CHRM3: variants seen among roughly 807,000 people sequenced by gnomAD.
The protein encoded by CHRM3 is muscarinic acetylcholine receptor M3.
CHRM3 carries 11 observed loss-of-function variants against 41.8 expected under a neutral mutation model. That is an observed-to-expected ratio of 0.26 (90% CI 0.17 to 0.44). CHRM3 has a LOEUF of 0.44. Among genes scored for constraint, CHRM3 ranks in the 20% least tolerant of loss-of-function variants. CHRM3 has a pLI of 1.00. For synonymous variants in CHRM3, 297 were observed against 301.4 expected (o/e 0.99, Z 0.15); for missense variants, 571 against 745.4 (o/e 0.77, Z 2.72).
At chr1:239,725,324 A>G (rs535069636) in intron 5 of CHRM3, among the ~76,000 whole-genome samples, 15 of 152,042 alleles carry the variant, frequency 9.9e-5, no homozygotes, top group African/African-American at 3.6e-4. Flanking sequence ...CCAAAATACT[A>G]TGTTATCAAT....
At chr1:239,773,238 A>G (rs867635464) in intron 5 of CHRM3, among the ~76,000 whole-genome samples, 3 of 152,216 alleles carry the variant, frequency 2.0e-5, no homozygotes, top group African/African-American at 7.2e-5. Context: ...TATTCTCAGC[A>G]TCTTCTAAGT....
intron 5 of CHRM3, among the ~76,000 whole-genome samples, chr1:239,813,916 CAAA>C (rs67147618): frequency 5.3e-4 from 55 of 103,214 alleles, no homozygotes; most frequent in East Asian, 1.5e-3. Context: ...GACTCCGTCT[CAAA>C]AAAAAAAAAA....
intron 4 of CHRM3, among the ~76,000 whole-genome samples, chr1:239,640,126 T>A (rs1230017425): frequency 6.6e-6 from 1 of 151,408 alleles, no homozygotes; most frequent in Non-Finnish European, 1.5e-5. Flanking sequence ...CACTTGATCA[T>A]GGTGGATAAG....
chr1:239,526,811 C>A, intron 2 of CHRM3, among the ~76,000 whole-genome samples: 1 of 152,102 alleles, frequency 6.6e-6, no homozygotes, highest in African/African-American at 2.4e-5. Context: ...TTCATTGCAA[C>A]CTTTTTCCAT....
chr1:239,800,764 C>T (rs1670148983), intron 5 of CHRM3, among the ~76,000 whole-genome samples: 1 of 152,062 alleles, frequency 6.6e-6, no homozygotes. Context: ...TTTCCTACAG[C>T]ATCAAATATG....
chr1:239,438,700 T>A (rs1197959199), intron 1 of CHRM3, among the ~76,000 whole-genome samples: 1 of 152,200 alleles, frequency 6.6e-6, no homozygotes, highest in Non-Finnish European at 1.5e-5. Context: ...CAGGAGCTAA[T>A]GCTTACCTTT....
intron 2 of CHRM3, among the ~76,000 whole-genome samples, chr1:239,495,672 A>G (rs984148623): frequency 6.6e-6 from 1 of 152,178 alleles, no homozygotes; most frequent in African/African-American, 2.4e-5. Flanking sequence ...TACTTAAAAC[A>G]GTCAGCTTGG....
intron 3 of CHRM3, among the ~76,000 whole-genome samples, chr1:239,624,617 GT>G (rs1205583570): frequency 1.3e-5 from 2 of 151,518 alleles, no homozygotes; most frequent in East Asian, 3.9e-4. Flanking sequence ...TTCTTCTAGG[GT>G]ATTTATGGTT....
chr1:239,656,482 A>AG (rs1491399392), intron 4 of CHRM3, among the ~76,000 whole-genome samples: 1 of 151,680 alleles, frequency 6.6e-6, no homozygotes, highest in African/African-American at 2.4e-5. Flanking sequence ...AAAAGAAAAA[A>AG]GAAAAAAAAA....
chr1:239,882,081 T>A (rs1348456248), intron 6 of CHRM3, among the ~76,000 whole-genome samples: 2 of 151,986 alleles, frequency 1.3e-5, no homozygotes, highest in Non-Finnish European at 1.5e-5. Flanking sequence ...AATTTTTGTA[T>A]TTTTTTAGTA....
At chr1:239,396,438 A>T (rs1163792012) in intron 1 of CHRM3, among the ~76,000 whole-genome samples, 1 of 151,990 alleles carries the variant, frequency 6.6e-6, no homozygotes, top group African/African-American at 2.4e-5. Flanking sequence ...TAGCAAAAAA[A>T]ATCTCTACAA....
At chr1:239,890,131 G>A (rs567727734) in intron 6 of CHRM3, among the ~76,000 whole-genome samples, 46 of 152,064 alleles carry the variant, frequency 3.0e-4, no homozygotes, top group Admixed American at 5.2e-4. Flanking sequence ...GAGAAACCCC[G>A]TCTCTACCAA....
At chr1:239,477,272 T>C (rs1407026282) in intron 1 of CHRM3, among the ~76,000 whole-genome samples, 1 of 152,234 alleles carries the variant, frequency 6.6e-6, no homozygotes, top group Admixed American at 6.5e-5. Context: ...GCAATAATTC[T>C]GTAGCATCTT....
chr1:239,688,739 T>C (rs1416139626), intron 5 of CHRM3, among the ~76,000 whole-genome samples: 1 of 136,034 alleles, frequency 7.4e-6, no homozygotes, highest in African/African-American at 2.7e-5. Flanking sequence ...TATAATATTA[T>C]ATATAATACA....
intron 5 of CHRM3, among the ~76,000 whole-genome samples, chr1:239,758,813 A>T (rs1666451878): frequency 6.6e-6 from 1 of 152,182 alleles, no homozygotes; most frequent in Non-Finnish European, 1.5e-5. Context: ...GCTATTGATG[A>T]ATTTCAGAAG....
At chr1:239,449,753 T>TGTGTGTGTGCGC (rs58076099) in intron 1 of CHRM3, among the ~76,000 whole-genome samples, 1 of 151,580 alleles carries the variant, frequency 6.6e-6, no homozygotes, top group South Asian at 2.1e-4. Flanking sequence ...TGTGTGTGTG[T>TGTGTGTGTGCGC]GCGTGTGTGT....
intron 2 of CHRM3, among the ~76,000 whole-genome samples, chr1:239,536,370 T>C (rs999668507): frequency 3.3e-5 from 5 of 152,206 alleles, no homozygotes; most frequent in African/African-American, 1.2e-4. Flanking sequence ...ACAATCTCTA[T>C]GGAGATGAGA....
At position 239,909,234 on chromosome 1, in the gene CHRM3, G is replaced by C; in HGVS notation, c.*10G>C. On this transcript the variant is annotated 3_prime_UTR_variant, in exon 7 of 7. Transcript: ENST00000676153. Reference sequence around the variant, plus strand: ...CGAGCAGGCCTTGTAGAATGAGGTTGTATCAATAGCAGTGACAAAACGCAC... The same window carrying C: ...CGAGCAGGCCTTGTAGAATGAGGTTCTATCAATAGCAGTGACAAAACGCAC... The C allele has an allele frequency of 6.3e-7, 1 of 1,590,408 alleles. No individual in the cohort carries two copies. Among genetic ancestry groups the C allele is most frequent in the Non-Finnish European group, 8.6e-7 (1 of 1,169,542 alleles).
intron 1 of CHRM3, among the ~76,000 whole-genome samples, chr1:239,449,235 ATTTAC>A (rs1664385150): frequency 6.6e-6 from 1 of 152,190 alleles, no homozygotes. Context: ...TGACAGCTCA[ATTTAC>A]TTTATCTGGT....
Sources: allele counts gnomAD v4.1 joint callset (sites outside exome capture counted in the v4.1 genomes callset), GRCh38; gene constraint gnomAD v4.1.1; transcripts MANE v1.5; gene names NCBI Gene and HGNC (gene_info 2026-07-23, HGNC 2026-07-21).